Variants in GALNT13 observed in about 807,000 individuals in gnomAD.
The protein encoded by GALNT13 is polypeptide N-acetylgalactosaminyltransferase 13.
In GALNT13, 28 loss-of-function variants were observed where a neutral mutation model predicts 64.2. The observed-to-expected ratio is 0.44, with a 90% CI of 0.32 to 0.60. The LOEUF (loss-of-function observed/expected upper bound fraction) is 0.60. GALNT13 is among the 20% of genes least tolerant of loss of function. The probability of loss-of-function intolerance (pLI) is 0.05; values close to 1 mark genes in which losing one functional copy is unlikely to be tolerated. For missense variants in GALNT13, 577 were observed against 669.8 expected (o/e 0.86, Z 1.53); for synonymous variants, 214 against 224.6 (o/e 0.95, Z 0.42).
At chr2:154,351,321 T>C (rs1014672430) in intron 9 of GALNT13, among the ~76,000 whole-genome samples, 1 of 152,144 alleles carries the variant, frequency 6.6e-6, no homozygotes, top group African/African-American at 2.4e-5. Context: ...CTTTATCATA[T>C]TCTTCTTGCA....
chr2:153,539,764 G>A, the GALNT13 span, among the ~76,000 whole-genome samples: 1 of 151,480 alleles, frequency 6.6e-6, no homozygotes, highest in South Asian at 2.1e-4. Flanking sequence ...CTCTGTTTTG[G>A]TACCAGTACC....
chr2:153,566,547 G>C, the GALNT13 span, among the ~76,000 whole-genome samples: 1 of 151,908 alleles, frequency 6.6e-6, no homozygotes, highest in Non-Finnish European at 1.5e-5. Context: ...GTAGAGATGG[G>C]GTTTCACCGT....
chr2:154,364,642 GTTGTT>G (rs10618298), intron 9 of GALNT13, among the ~76,000 whole-genome samples: 32,507 of 149,388 alleles, frequency 0.22, 3,982 homozygotes, highest in East Asian at 0.45. Context: ...CTTCACTTTT[GTTGTT>G]TTGTTTTGTT....
chr2:154,237,779 T>C (rs1050233166), intron 4 of GALNT13, among the ~76,000 whole-genome samples: 2 of 151,760 alleles, frequency 1.3e-5, no homozygotes, highest in Non-Finnish European at 3.0e-5. Context: ...GTGTACTCTT[T>C]GTACTGCATG....
the GALNT13 span, among the ~76,000 whole-genome samples, chr2:153,849,242 A>C: frequency 1.3e-5 from 2 of 152,198 alleles, no homozygotes; most frequent in Admixed American, 1.3e-4. Context: ...CATTTTAATG[A>C]TAAAACTAGG....
At chr2:153,282,190 G>A in the GALNT13 span, among the ~76,000 whole-genome samples, 4 of 151,928 alleles carry the variant, frequency 2.6e-5, no homozygotes, top group Non-Finnish European at 4.4e-5. Context: ...GGTTTCAAAT[G>A]TATTTTTGAA....
chr2:153,359,172 C>A, the GALNT13 span, among the ~76,000 whole-genome samples: 19 of 152,140 alleles, frequency 1.2e-4, no homozygotes, highest in African/African-American at 3.1e-4. Context: ...TAAATGCATT[C>A]TTTTGTACAT....
chr2:154,206,632 T>TA (rs1453371082), intron 4 of GALNT13, among the ~76,000 whole-genome samples: 31 of 151,716 alleles, frequency 2.0e-4, no homozygotes, highest in Admixed American at 2.0e-3. Flanking sequence ...CTGTCTCTAC[T>TA]AAAAATACAA....
the GALNT13 span, among the ~76,000 whole-genome samples, chr2:153,451,416 A>T: frequency 3.9e-5 from 6 of 152,304 alleles, no homozygotes; most frequent in Admixed American, 3.9e-4. Context: ...TTGGTAAGAA[A>T]TTCGCAAAGT....
the GALNT13 span, among the ~76,000 whole-genome samples, chr2:153,357,952 A>G: frequency 1.3e-5 from 2 of 152,204 alleles, no homozygotes; most frequent in African/African-American, 4.8e-5. Context: ...AGAGGCATTT[A>G]GGGACATATA....
At chr2:153,385,937 A>G in the GALNT13 span, among the ~76,000 whole-genome samples, 1 of 152,030 alleles carries the variant, frequency 6.6e-6, no homozygotes, top group African/African-American at 2.4e-5. Flanking sequence ...TGTCATATGG[A>G]AATAAAGTCC....
chr2:153,449,776 G>A, the GALNT13 span: 1 of 152,590 alleles, frequency 6.6e-6, no homozygotes, highest in Non-Finnish European at 1.5e-5. Flanking sequence ...ATCCTCCAGA[G>A]GGGAGAAACA....
the GALNT13 span, among the ~76,000 whole-genome samples, chr2:153,555,613 A>C: frequency 2.0e-5 from 3 of 152,204 alleles, no homozygotes; most frequent in Non-Finnish European, 4.4e-5. Flanking sequence ...CTATCTTGTG[A>C]GGTGGTTACC....
chr2:153,924,654 T>A (rs1689990074), intron 2 of GALNT13, among the ~76,000 whole-genome samples: 1 of 152,208 alleles, frequency 6.6e-6, no homozygotes, highest in African/African-American at 2.4e-5. Flanking sequence ...CCACAATGGT[T>A]GAACTAATTT....
chr2:153,911,539 C>G (rs1305533546), intron 2 of GALNT13, among the ~76,000 whole-genome samples: 1 of 152,136 alleles, frequency 6.6e-6, no homozygotes, highest in Non-Finnish European at 1.5e-5. Flanking sequence ...TCTGTAGCGG[C>G]TGGTAACAGT....
At chr2:153,383,452 T>G in the GALNT13 span, among the ~76,000 whole-genome samples, 1 of 152,044 alleles carries the variant, frequency 6.6e-6, no homozygotes, top group East Asian at 1.9e-4. Context: ...GTTAATTATG[T>G]AAAGGTATAA....
intron 8 of GALNT13, among the ~76,000 whole-genome samples, chr2:154,289,548 TACTC>T (rs112503520): frequency 0.022 from 3,303 of 152,188 alleles, 93 homozygotes; most frequent in African/African-American, 0.067. Flanking sequence ...TCATGAGACT[TACTC>T]ACTTTCAAGA....
intron 9 of GALNT13, among the ~76,000 whole-genome samples, chr2:154,330,113 C>G (rs1695087977): frequency 6.6e-6 from 1 of 152,074 alleles, no homozygotes; most frequent in Non-Finnish European, 1.5e-5. Flanking sequence ...TTATGGTAGC[C>G]AGGCAGATGA....
intron 4 of GALNT13, among the ~76,000 whole-genome samples, chr2:154,235,832 A>G (rs538428706): frequency 1.3e-5 from 2 of 152,254 alleles, no homozygotes; most frequent in South Asian, 4.1e-4. Context: ...TCAGTAGCTT[A>G]TCTGAAAACA....
Sources: gnomAD v4.1 joint callset for allele counts (sites outside exome capture counted in the v4.1 genomes callset) on GRCh38, gnomAD v4.1.1 for gene constraint, MANE v1.5 for transcripts, NCBI Gene and HGNC (gene_info 2026-07-23, HGNC 2026-07-21) for gene names.